MGAT4C: variants seen among roughly 807,000 people sequenced by gnomAD.
The protein encoded by MGAT4C is alpha-1,3-mannosyl-glycoprotein 4-beta-N-acetylglucosaminyltransferase C.
A neutral mutation model predicts 40.1 loss-of-function variants in MGAT4C; 19 were observed. The ratio of observed to expected loss-of-function variants is 0.47; its 90% CI spans 0.33 to 0.70. MGAT4C has a LOEUF of 0.70. Ranked by LOEUF, MGAT4C falls within the 30% of genes least tolerant of loss-of-function variation. The pLI is 0.02. For synonymous variants in MGAT4C, 181 were observed against 187.1 expected, an observed-to-expected ratio of 0.97 and a Z score of 0.27; for missense variants, 491 against 563.2, an observed-to-expected ratio of 0.87 and a Z score of 1.30.
chr12:86,006,045 C>A (rs917040463), intron 2 of MGAT4C, among the ~76,000 whole-genome samples: 1 of 152,094 alleles, frequency 6.6e-6, no homozygotes, highest in Non-Finnish European at 1.5e-5. Flanking sequence ...TGTAAAACTG[C>A]CCTTTTTTCA....
intron 1 of MGAT4C, among the ~76,000 whole-genome samples, chr12:86,142,310 G>A (rs538732940): frequency 2.0e-5 from 3 of 152,092 alleles, no homozygotes; most frequent in Admixed American, 6.6e-5. Flanking sequence ...GGTTAAAGAT[G>A]GAGCTTCCTG....
At chr12:86,742,997 GTGTGTA>G (rs1169782604) in intron 1 of MGAT4C, among the ~76,000 whole-genome samples, 4 of 147,226 alleles carry the variant, frequency 2.7e-5, no homozygotes, top group Non-Finnish European at 6.0e-5. Context: ...GTGTGTGTAT[GTGTGTA>G]TGTGTATGTG....
intron 1 of MGAT4C, among the ~76,000 whole-genome samples, chr12:86,821,817 T>G (rs1593239258): frequency 6.6e-6 from 1 of 151,098 alleles, no homozygotes; most frequent in Non-Finnish European, 1.5e-5. Flanking sequence ...GACAAAGGTT[T>G]AAAATTACTG....
At chr12:86,391,713 A>C (rs1487506148) in intron 3 of MGAT4C, among the ~76,000 whole-genome samples, 2 of 152,096 alleles carry the variant, frequency 1.3e-5, no homozygotes, top group Non-Finnish European at 2.9e-5. Context: ...AAAAAAAATT[A>C]GCTGGGCATG....
intron 2 of MGAT4C, among the ~76,000 whole-genome samples, chr12:86,446,657 TC>T (rs1258349984): frequency 1.5e-5 from 1 of 66,496 alleles, no homozygotes; most frequent in East Asian, 3.7e-4. Context: ...ATCATGTAAC[TC>T]ATATATATAT....
At chr12:86,681,579 A>G (rs1192978836) in intron 2 of MGAT4C, among the ~76,000 whole-genome samples, 5 of 151,854 alleles carry the variant, frequency 3.3e-5, no homozygotes, top group Non-Finnish European at 5.9e-5. Flanking sequence ...AGCAAAAAGA[A>G]AAAAAAAGAA....
intron 2 of MGAT4C, among the ~76,000 whole-genome samples, chr12:86,516,292 C>T (rs1958686854): frequency 6.6e-6 from 1 of 152,006 alleles, no homozygotes; most frequent in Non-Finnish European, 1.5e-5. Context: ...AGTATAAATC[C>T]TTGAACTTAT....
chr12:86,548,726 A>G (rs1049051998), intron 2 of MGAT4C, among the ~76,000 whole-genome samples: 3 of 152,162 alleles, frequency 2.0e-5, no homozygotes, highest in African/African-American at 7.2e-5. Flanking sequence ...AATGTACATG[A>G]TTACTAGCTG....
chr12:86,062,666 GTTTAGAGAACATA>G (rs1299335625), intron 1 of MGAT4C, among the ~76,000 whole-genome samples: 3 of 151,866 alleles, frequency 2.0e-5, no homozygotes, highest in Non-Finnish European at 4.4e-5. Context: ...AGAATAACCA[GTTTAGAGAACATA>G]AATGACCTGA....
At chr12:86,350,708 G>A (rs1441241715) in intron 3 of MGAT4C, among the ~76,000 whole-genome samples, 1 of 152,084 alleles carries the variant, frequency 6.6e-6, no homozygotes. Context: ...TACATATTCA[G>A]AAATCAATTT....
At chr12:86,532,417 GT>G (rs1332119698) in intron 2 of MGAT4C, among the ~76,000 whole-genome samples, 1 of 151,912 alleles carries the variant, frequency 6.6e-6, no homozygotes, top group African/African-American at 2.4e-5. Context: ...GACAAAGTAG[GT>G]TTTTCTTAAT....
intron 2 of MGAT4C, among the ~76,000 whole-genome samples, chr12:86,464,195 G>A (rs532615236): frequency 1.3e-5 from 2 of 152,170 alleles, no homozygotes; most frequent in Middle Eastern, 6.8e-3. Flanking sequence ...AAGTTTACTG[G>A]GTAATTTGGA....
intron 4 of MGAT4C, among the ~76,000 whole-genome samples, chr12:86,291,910 A>G (rs930772177): frequency 1.3e-5 from 2 of 152,188 alleles, no homozygotes; most frequent in African/African-American, 2.4e-5. Flanking sequence ...TAACAAAGAC[A>G]CTGCTCTATT....
At position 86,574,804 on chromosome 12, in the gene MGAT4C, T is replaced by C. The variant is rs188343472; in HGVS notation, c.-228-139539A>G. On this transcript the variant is annotated intron_variant, in intron 2 of 7. Transcript: ENST00000548651. ...TACTATAATATTTTTATTAACCTAT[T>C]TATATTGGTGATGAATTTGAGCATT... Among the ~76,000 whole-genome samples, 282 of 151,670 alleles carry C rather than the reference T, an allele frequency of 1.9e-3. 2 individuals carry two copies. The highest frequency in any genetic ancestry group is 3.1e-3 in the Non-Finnish European group (211 of 67,824).
At chr12:86,755,643 T>A (rs905459713) in intron 1 of MGAT4C, among the ~76,000 whole-genome samples, 31 of 151,244 alleles carry the variant, frequency 2.0e-4, no homozygotes, top group Non-Finnish European at 3.7e-4. Context: ...TCCTTCCTTC[T>A]TTCCTACCTT....
chr12:86,480,897 T>C (rs1957927244), intron 2 of MGAT4C, among the ~76,000 whole-genome samples: 1 of 151,800 alleles, frequency 6.6e-6, no homozygotes, highest in African/African-American at 2.4e-5. Flanking sequence ...ATAGGTTCTC[T>C]TCTTCCTTAA....
intron 2 of MGAT4C, among the ~76,000 whole-genome samples, chr12:86,711,846 C>T (rs777998850): frequency 6.6e-5 from 10 of 152,176 alleles, no homozygotes; most frequent in Non-Finnish European, 1.2e-4. Flanking sequence ...CCCTTGTTAA[C>T]AATTATTAAG....
At chr12:86,603,522 A>ATAATATT (rs1961888613) in intron 2 of MGAT4C, among the ~76,000 whole-genome samples, 1 of 22,082 alleles carries the variant, frequency 4.5e-5, no homozygotes, top group African/African-American at 8.1e-5. Flanking sequence ...TATAGTCTAT[A>ATAATATT]GACTATATAT....
At chr12:86,192,233 A>G (rs1889594914) in intron 1 of MGAT4C, among the ~76,000 whole-genome samples, 1 of 152,092 alleles carries the variant, frequency 6.6e-6, no homozygotes, top group East Asian at 1.9e-4. Context: ...CCTAGAACCT[A>G]AAGTATAATA....
Sources: gnomAD v4.1 joint callset for allele counts (sites outside exome capture counted in the v4.1 genomes callset) on GRCh38, gnomAD v4.1.1 for gene constraint, MANE v1.5 for transcripts, NCBI Gene and HGNC (gene_info 2026-07-23, HGNC 2026-07-21) for gene names.